Variants in KCNN2 observed in about 807,000 individuals in gnomAD.
KCNN2 encodes small conductance calcium-activated potassium channel protein 2.
Under a neutral mutation model 55.5 loss-of-function variants are expected in KCNN2, and 24 were observed. That is an observed-to-expected ratio of 0.43 (90% confidence interval 0.31 to 0.61). The LOEUF (loss-of-function observed/expected upper bound fraction) is 0.61. Among genes scored for constraint, KCNN2 ranks in the 20% least tolerant of loss-of-function variants. The pLI, the probability that KCNN2 is intolerant of heterozygous loss-of-function variation, is 0.08. For missense variants in KCNN2, 754 were observed against 853.6 expected (o/e 0.88, Z 1.45); for synonymous variants, 431 against 336.1 (o/e 1.28, Z -3.09).
rs188279829 is a variant in KCNN2 at position 114,104,699 on chromosome 5, G to A, written c.-271+48199G>A. 1.4e-3 allele frequency among the ~76,000 whole-genome samples: 209 copies of A among 152,150 alleles called. 2 individuals carry two copies. The highest frequency in any genetic ancestry group is 0.014 in the Admixed American group (209 of 15,260). On this transcript the variant is annotated intron_variant, in intron 1 of 10. Transcript: ENST00000512097. ...AAGAATGATAAAAGCAACATGACTG[G>A]ATGCTGTGGGAGTGCATGAGAGGGC...
At chr5:114,127,687 G>C (rs1751967923) in intron 1 of KCNN2, among the ~76,000 whole-genome samples, 1 of 152,182 alleles carries the variant, frequency 6.6e-6, no homozygotes, top group Non-Finnish European at 1.5e-5. Flanking sequence ...TTCTGCAGCT[G>C]ATTTGAATTT....
chr5:114,445,553 G>T (rs1760373307), intron 3 of KCNN2, among the ~76,000 whole-genome samples: 1 of 152,168 alleles, frequency 6.6e-6, no homozygotes, highest in African/African-American at 2.4e-5. Flanking sequence ...AAGCTAAGTA[G>T]CTACACAAAT....
intron 2 of KCNN2, among the ~76,000 whole-genome samples, chr5:114,311,291 C>T (rs988831388): frequency 2.0e-5 from 3 of 152,064 alleles, no homozygotes; most frequent in African/African-American, 4.8e-5. Flanking sequence ...CTTTCATTTA[C>T]TGTCTCATTT....
intron 1 of KCNN2, among the ~76,000 whole-genome samples, chr5:114,120,569 C>T (rs1751806808): frequency 6.6e-6 from 1 of 152,096 alleles, no homozygotes; most frequent in Non-Finnish European, 1.5e-5. Flanking sequence ...CAGTGGTGAG[C>T]AATATCTTAT....
intron 2 of KCNN2, among the ~76,000 whole-genome samples, chr5:114,397,117 C>T (rs764075678): frequency 3.9e-5 from 6 of 152,168 alleles, no homozygotes; most frequent in African/African-American, 7.2e-5. Flanking sequence ...CTTTATCCCT[C>T]TACCAATGAA....
intron 1 of KCNN2, among the ~76,000 whole-genome samples, chr5:114,165,089 G>A (rs1052097833): frequency 1.3e-5 from 2 of 152,192 alleles, no homozygotes; most frequent in Non-Finnish European, 2.9e-5. Context: ...TCTGGCTTCA[G>A]GCTCTGTGTT....
At chr5:114,268,736 A>G (rs1309216237) in intron 2 of KCNN2, among the ~76,000 whole-genome samples, 7 of 152,288 alleles carry the variant, frequency 4.6e-5, no homozygotes, top group African/African-American at 1.7e-4. Flanking sequence ...TTCTTATGAG[A>G]TGCACCTTGG....
At chr5:114,312,177 G>A (rs961735015) in intron 2 of KCNN2, among the ~76,000 whole-genome samples, 1 of 151,832 alleles carries the variant, frequency 6.6e-6, no homozygotes, top group African/African-American at 2.4e-5. Context: ...CAAGAGGGGT[G>A]CTGCCCCAGC....
chr5:114,057,489 T>C (rs1750236893), intron 1 of KCNN2, among the ~76,000 whole-genome samples: 1 of 152,226 alleles, frequency 6.6e-6, no homozygotes, highest in Non-Finnish European at 1.5e-5. Context: ...ATTACATATC[T>C]CTGTCACTCA....
chr5:114,327,999 T>G lies in KCNN2; in HGVS notation c.-184-32946T>G, dbSNP rs538855395. 2.1e-4 allele frequency among the ~76,000 whole-genome samples: 32 copies of G among 152,350 alleles called. 1 individual carries two copies. The South Asian group carries it at 6.6e-3, about 32-fold the overall frequency. On this transcript the variant is annotated intron_variant, in intron 2 of 10. Coordinates refer to the KCNN2 transcript ENST00000512097. Reference sequence around the variant, plus strand: ...TATTACTAATTGAAGAGGCAAGTGGTCTTTTATATAGAGGTCGATCCTGAG... The same window carrying G: ...TATTACTAATTGAAGAGGCAAGTGGGCTTTTATATAGAGGTCGATCCTGAG...
chr5:114,127,104 G>A (rs191110876), intron 1 of KCNN2, among the ~76,000 whole-genome samples: 320 of 152,260 alleles, frequency 2.1e-3, no homozygotes, highest in African/African-American at 7.3e-3. Flanking sequence ...GGCATTGAGC[G>A]TCTGAGACTT....
At chr5:114,159,699 C>A (rs1050714273) in intron 1 of KCNN2, among the ~76,000 whole-genome samples, 9 of 152,114 alleles carry the variant, frequency 5.9e-5, no homozygotes, top group East Asian at 5.8e-4. Context: ...TTGGTCTATT[C>A]AGAGATTCAA....
intron 2 of KCNN2, among the ~76,000 whole-genome samples, chr5:114,379,866 ATT>A (rs1421394472): frequency 6.8e-6 from 1 of 146,312 alleles, no homozygotes; most frequent in Non-Finnish European, 1.5e-5. Context: ...GCATATTAAT[ATT>A]TTATAAATAT....
intron 1 of KCNN2, among the ~76,000 whole-genome samples, chr5:114,138,943 C>T (rs146582013): frequency 7.2e-4 from 109 of 152,246 alleles, no homozygotes; most frequent in African/African-American, 2.5e-3. Flanking sequence ...ATGGCAATTG[C>T]ACTAGTGCTA....
chr5:114,184,321 A>C (rs1053694997), intron 1 of KCNN2, among the ~76,000 whole-genome samples: 7 of 152,186 alleles, frequency 4.6e-5, no homozygotes, highest in African/African-American at 1.7e-4. Context: ...AAAATCTAAA[A>C]ATATTATCAG....
chr5:114,300,549 C>A (rs1038994816), intron 2 of KCNN2, among the ~76,000 whole-genome samples: 1 of 152,088 alleles, frequency 6.6e-6, no homozygotes, highest in African/African-American at 2.4e-5. Flanking sequence ...AGATATGATT[C>A]ATAAATGTAG....
intron 1 of KCNN2, among the ~76,000 whole-genome samples, chr5:114,148,520 G>A (rs948419209): frequency 6.6e-6 from 1 of 152,152 alleles, no homozygotes; most frequent in African/African-American, 2.4e-5. Flanking sequence ...AAGAGAAGGA[G>A]AGTGAGGGCA....
At chr5:114,155,040 C>G (rs1049128721) in intron 1 of KCNN2, among the ~76,000 whole-genome samples, 1 of 152,066 alleles carries the variant, frequency 6.6e-6, no homozygotes, top group African/African-American at 2.4e-5. Context: ...CCTCCTCACA[C>G]TCTCCACCCT....
chr5:114,451,726 C>T (rs1760689865), intron 3 of KCNN2, among the ~76,000 whole-genome samples: 1 of 152,000 alleles, frequency 6.6e-6, no homozygotes, highest in Admixed American at 6.6e-5. Context: ...GAAACCCCAT[C>T]TCTACTAAAA....
Sources: gnomAD v4.1 joint callset for allele counts (sites outside exome capture counted in the v4.1 genomes callset) on GRCh38, gnomAD v4.1.1 for gene constraint, MANE v1.5 for transcripts, NCBI Gene and HGNC (gene_info 2026-07-23, HGNC 2026-07-21) for gene names.